SVEP1: variants seen among roughly 807,000 people sequenced by gnomAD.
The protein encoded by SVEP1 is sushi, von Willebrand factor type A, EGF and pentraxin domain-containing protein 1.
A neutral mutation model predicts 367.3 loss-of-function variants in SVEP1; 164 were observed. That is an observed-to-expected ratio of 0.45 (90% confidence interval 0.39 to 0.51). The LOEUF is 0.51. Among genes scored for constraint, SVEP1 ranks in the 20% least tolerant of loss-of-function variants. The pLI, the probability that SVEP1 is intolerant of heterozygous loss-of-function variation, is 0.00. For missense variants in SVEP1, 4,117 were observed against 4,425.3 expected, an observed-to-expected ratio of 0.93 and a Z score of 1.98; for synonymous variants, 1,666 against 1,611.6, an observed-to-expected ratio of 1.03 and a Z score of -0.81.
chr9:110,449,233 AGTC>A (rs1828653798), intron 24 of SVEP1, among the ~76,000 whole-genome samples: 1 of 152,146 alleles, frequency 6.6e-6, no homozygotes, highest in African/African-American at 2.4e-5. Context: ...AGGGAGACAT[AGTC>A]TTTCTGCCCC....
intron 3 of SVEP1, among the ~76,000 whole-genome samples, chr9:110,534,526 C>T (rs757927776): frequency 6.6e-5 from 10 of 152,072 alleles, no homozygotes; most frequent in Non-Finnish European, 1.2e-4. Flanking sequence ...ATTTATATTC[C>T]GTTGGGTATG....
At chr9:110,545,137 A>G (rs188053486) in intron 3 of SVEP1, among the ~76,000 whole-genome samples, 150 of 152,298 alleles carry the variant, frequency 9.8e-4, no homozygotes, top group African/African-American at 3.5e-3. Context: ...TTGTGTATAT[A>G]GACCACATTT....
At chr9:110,466,639 T>G (rs1470516161) in intron 17 of SVEP1, among the ~76,000 whole-genome samples, 5 of 148,842 alleles carry the variant, frequency 3.4e-5, no homozygotes, top group African/African-American at 1.2e-4. Context: ...CGGGCGCCTG[T>G]AGTCCCAGCT....
rs1164031423 is a variant in SVEP1 at position 110,434,433 on chromosome 9, G to A, written c.4962C>T (p.Val1654=). The A allele has an allele frequency of 1.2e-6, 2 of 1,613,490 alleles. No individual in the cohort carries two copies. Among genetic ancestry groups the A allele is most frequent in the South Asian group, 2.2e-5 (2 of 91,004 alleles). ...GGAAGCCTGGATCACAGAACAGATT[G>A]ACTTTGGAACCTGGCTTTAAATCTT... The part of the protein sequence containing the change: ...ASEDLKPGSK[V]NLFCDPGFQL... The change falls in exon 30 of 48, where the codon GTC becomes GTT. Residue 1654 remains valine, a synonymous_variant. Transcript: ENST00000374469.
At chr9:110,513,209 T>C (rs1350885081) in intron 4 of SVEP1, 104 bp from the exon 5 acceptor site, 2 of 1,072,242 alleles carry the variant, frequency 1.9e-6, no homozygotes, top group South Asian at 1.7e-5. Context: ...TATGTGTCAA[T>C]TGCCTACAGC....
chr9:110,375,487 A>AAAAAG, intron 45 of SVEP1, 24 bp from the exon 46 acceptor site: 2 of 1,408,902 alleles, frequency 1.4e-6, no homozygotes, highest in Non-Finnish European at 1.9e-6. Context: ...AAAAAAAAAA[A>AAAAAG]AAAGGAGGCA....
Position 110,445,873 on chromosome 9 carries a change from C to T in SVEP1, c.4427G>A (p.Gly1476Asp). 1 of 1,613,894 alleles carries T rather than the reference C, an allele frequency of 6.2e-7. No homozygotes were observed. The highest frequency in any genetic ancestry group is 8.5e-7 in the Non-Finnish European group (1 of 1,179,842). ...AGTCAGGAGCAAGGTATTGTCGCTG[C>T]CGTTATCAACTGCATAGGAGATTGG... ...GTPISYAVDN[G>D]SDNTLLLTDY... Residue 1476 changes from glycine (G) to aspartate (D), a missense_variant, in exon 26 of 48, where the codon GGC (glycine) becomes GAC (aspartate). Physicochemically the swap from Gly to Asp is moderately conservative, Grantham distance 94. This residue lies in a region of SVEP1 where 2,174 missense variants were observed against 2,494.3 expected (regional missense o/e 0.87). Transcript: ENST00000374469.
chr9:110,517,530 G>C (rs1038514430), intron 3 of SVEP1, among the ~76,000 whole-genome samples: 1 of 150,862 alleles, frequency 6.6e-6, no homozygotes, highest in Non-Finnish European at 1.5e-5. Context: ...CTCGGGAAGC[G>C]GAGGTTGCAG....
chr9:110,576,627 T>C (rs1340214378), intron 1 of SVEP1, among the ~76,000 whole-genome samples: 1 of 151,970 alleles, frequency 6.6e-6, no homozygotes, highest in Non-Finnish European at 1.5e-5. Context: ...AATCCAAATA[T>C]AGAAGGCATA....
In SVEP1 at chr9:110,503,948, C is replaced by T. The variant is rs140642432; in HGVS notation, c.1304-731G>A. Among the ~76,000 whole-genome samples the T allele has an allele frequency of 1.8e-4, 27 of 152,332 alleles. No homozygotes were observed. The East Asian group carries it at 5.0e-3, about 28-fold the overall frequency. On this transcript the variant is annotated intron_variant, in intron 5 of 47. Coordinates refer to ENST00000374469, the MANE Select transcript of SVEP1 (RefSeq NM_153366.4). ...CCAGCTAAAAGATTACAACTCTCCA[C>T]CTCTACCTCAACTAATGAGAGCCCA... is the stretch of plus-strand genomic sequence containing the variant.
At chr9:110,499,328 G>A (rs1829496617) in intron 6 of SVEP1, 90 bp from the exon 7 acceptor site, 1 of 1,202,966 alleles carries the variant, frequency 8.3e-7, no homozygotes, top group African/African-American at 1.5e-5. Context: ...ATACAATTAT[G>A]CTGCCTTAGG....
chr9:110,476,187 C>T lies in SVEP1; in HGVS notation c.2599+17G>A, dbSNP rs1273582306. 7.9e-6 allele frequency: 12 copies of T among 1,524,404 alleles called. No individual in the cohort carries two copies. In the Admixed American group the frequency reaches 8.4e-5, roughly 11 times the overall value. 94.4% of individuals were successfully genotyped at this position (1,524,404 alleles called of 1,614,324 possible). A position where few individuals can be genotyped will look rare whatever the true frequency, so the allele number is the denominator to read the frequency against. The stretch of plus-strand genomic sequence containing the variant: ...AGATTAGTCTTGCCAACTACCGATG[C>T]CACAGAATTTAATTACCAATTGCAA... On this transcript the variant is annotated intron_variant, in intron 14 of 47. Coordinates refer to ENST00000374469, the MANE Select transcript of SVEP1 (RefSeq NM_153366.4).
At chr9:110,426,250 T>G (rs12380490) in intron 36 of SVEP1, among the ~76,000 whole-genome samples, 18,938 of 152,264 alleles carry the variant, frequency 0.12, 1,595 homozygotes, top group South Asian at 0.23. Flanking sequence ...AAAATATTGT[T>G]GCCACCTGCT....
intron 40 of SVEP1, among the ~76,000 whole-genome samples, chr9:110,397,956 A>T (rs7040947): frequency 0.16 from 22,587 of 138,344 alleles, 2,171 homozygotes; most frequent in Middle Eastern, 0.26. Flanking sequence ...CCCATCGAGC[A>T]ACCAATGACT....
At chr9:110,537,035 T>C (rs569921003) in intron 3 of SVEP1, among the ~76,000 whole-genome samples, 1 of 152,086 alleles carries the variant, frequency 6.6e-6, no homozygotes, top group South Asian at 2.1e-4. Flanking sequence ...ATGTTTCAAA[T>C]TCTTCAATTT....
At chr9:110,565,068 T>C (rs1830474832) in intron 1 of SVEP1, among the ~76,000 whole-genome samples, 1 of 152,160 alleles carries the variant, frequency 6.6e-6, no homozygotes, top group Non-Finnish European at 1.5e-5. Context: ...CTAACTGCTA[T>C]AGCAAGGTTT....
chr9:110,400,754 G>A, intron 40 of SVEP1, 100 bp downstream of exon 40: 4 of 1,267,476 alleles, frequency 3.2e-6, no homozygotes, highest in Non-Finnish European at 4.3e-6. Flanking sequence ...AGAATCTTTT[G>A]AGACCAAAGT....
At chr9:110,396,911 G>A (rs1827771974) in intron 40 of SVEP1, among the ~76,000 whole-genome samples, 1 of 152,026 alleles carries the variant, frequency 6.6e-6, no homozygotes, top group African/African-American at 2.4e-5. Context: ...TTCTACCAGA[G>A]GTACAAGGAG....
intron 8 of SVEP1, among the ~76,000 whole-genome samples, chr9:110,493,889 T>C (rs1308887689): frequency 6.6e-6 from 1 of 152,196 alleles, no homozygotes; most frequent in African/African-American, 2.4e-5. Flanking sequence ...GGAGAATCTG[T>C]TTCCTTGCCT....
Sources: allele counts gnomAD v4.1 joint callset (sites outside exome capture counted in the v4.1 genomes callset), GRCh38; gene constraint gnomAD v4.1.1; regional missense constraint gnomAD v4.1.1; transcripts MANE v1.5; gene names NCBI Gene and HGNC (gene_info 2026-07-23, HGNC 2026-07-21).